ACTR3: variants seen among roughly 807,000 people sequenced by gnomAD.
ACTR3 encodes actin related protein 3.
Under a neutral mutation model 56.8 loss-of-function variants are expected in ACTR3, and 12 were observed. That is an observed-to-expected ratio of 0.21 (90% CI 0.14 to 0.34). The LOEUF (loss-of-function observed/expected upper bound fraction) is 0.34, where lower values mean the gene tolerates loss of function less well. Among genes scored for constraint, ACTR3 ranks in the 10% least tolerant of loss-of-function variants. The pLI, the probability that ACTR3 is intolerant of heterozygous loss-of-function variation, is 1.00. For missense variants in ACTR3, 282 were observed against 512.5 expected (o/e 0.55, Z 4.34); for synonymous variants, 162 against 167.4 (o/e 0.97, Z 0.25).
chr2:113,915,573 T>C (rs1470292679), intron 2 of ACTR3, among the ~76,000 whole-genome samples: 1 of 152,240 alleles, frequency 6.6e-6, no homozygotes, highest in African/African-American at 2.4e-5. Context: ...GTGTATAATC[T>C]TTTGTTGTGA....
At position 113,894,576 on chromosome 2, in the gene ACTR3, TC is replaced by T. The variant is rs1277203708; in HGVS notation, c.44+4256del. The stretch of plus-strand genomic sequence containing the variant: ...CTTACTTAGACTTAGCGAAAGACTC[TC>T]CCTCCTTTCCTGCCTGCCAATTTTG... On this transcript the variant is annotated intron_variant, in intron 1 of 11. Coordinates refer to ENST00000263238, the MANE Select transcript of ACTR3 (RefSeq NM_005721.5). 3.9e-5 allele frequency among the ~76,000 whole-genome samples: 6 copies of T among 152,132 alleles called. No homozygotes were observed. The South Asian group carries it at 8.3e-4, about 21-fold the overall frequency.
At chr2:113,896,376 G>A (rs932787032) in intron 1 of ACTR3, among the ~76,000 whole-genome samples, 4 of 152,164 alleles carry the variant, frequency 2.6e-5, no homozygotes, top group African/African-American at 7.2e-5. Context: ...TCTCTGCACA[G>A]TCAAAATGTT....
At chr2:113,892,946 T>C (rs1211965137) in intron 1 of ACTR3, among the ~76,000 whole-genome samples, 1 of 152,170 alleles carries the variant, frequency 6.6e-6, no homozygotes, top group African/African-American at 2.4e-5. Flanking sequence ...ACTCAACATA[T>C]GAATCACCTA....
At position 113,951,508 on chromosome 2, in the gene ACTR3, C is replaced by T; in HGVS notation, c.888C>T (p.Ile296=). The change falls in exon 9 of 12, where the codon ATC becomes ATT. Residue 296 remains isoleucine (I), a synonymous_variant. Coordinates refer to ENST00000263238, the MANE Select transcript of ACTR3 (RefSeq NM_005721.5). ...CTAATCCAGACTTTACACAACCTAT[C>T]TCAGAAGTTGTAGATGAAGTAATTC... ...EFANPDFTQP[I]SEVVDEVIQN... 6.2e-7 allele frequency: 1 copy of T among 1,612,672 alleles called. No individual in the cohort carries two copies. The highest frequency in any genetic ancestry group is 8.5e-7 in the Non-Finnish European group (1 of 1,178,926).
chr2:113,900,189 T>C (rs964603567), intron 1 of ACTR3, among the ~76,000 whole-genome samples: 3 of 151,826 alleles, frequency 2.0e-5, no homozygotes, highest in Admixed American at 2.0e-4. Flanking sequence ...TCAATTTCAT[T>C]TTTTTTTAAT....
intron 6 of ACTR3, among the ~76,000 whole-genome samples, chr2:113,936,302 CAAAA>C (rs61526382): frequency 1.3e-5 from 1 of 78,240 alleles, no homozygotes; most frequent in African/African-American, 4.6e-5. Flanking sequence ...ACCCTGTCTC[CAAAA>C]AAAAAAAAAA....
chr2:113,955,852 A>T (rs1680201865), intron 11 of ACTR3, 146 bp downstream of exon 11: 1 of 556,612 alleles, frequency 1.8e-6, no homozygotes, highest in Non-Finnish European at 3.0e-6. Context: ...GGTTAAAGTG[A>T]TTCTCCTGCC....
In ACTR3 at chr2:113,942,272, T is replaced by A; in HGVS notation, c.771T>A (p.Thr257=). ...GGTCAAAATGGATTAAACAGTATAC[T>A]GGAATCAATGCTATCTCAAAGAAAG... ...TDGSKWIKQY[T]GINAISKKEF... is the part of the protein sequence containing the mutation. Residue 257 remains threonine, a synonymous_variant, in exon 8 of 12, where the codon ACT becomes ACA. Coordinates refer to ENST00000263238, the MANE Select transcript of ACTR3 (RefSeq NM_005721.5). 6.2e-7 allele frequency: 1 copy of A among 1,606,458 alleles called. No individual in the cohort carries two copies.
intron 3 of ACTR3, among the ~76,000 whole-genome samples, chr2:113,920,613 A>G (rs1679489782): frequency 2.0e-5 from 3 of 152,284 alleles, no homozygotes; most frequent in East Asian, 1.9e-4. Flanking sequence ...GTAATTTTGT[A>G]TCCTTTATTC....
Position 113,927,471 on chromosome 2 carries a change from T to A in ACTR3, c.336+16T>A, listed in dbSNP as rs772602901. ...TTTTCTTTTGGTAAGTTACAAGTTA[T>A]AATTTCACTGAGGAAATTTTTGAAT... is the stretch of plus-strand genomic sequence containing the variant. On this transcript the variant is annotated intron_variant, in intron 4 of 11. Coordinates refer to ENST00000263238, the MANE Select transcript of ACTR3 (RefSeq NM_005721.5). 2 of 1,538,818 alleles carry A rather than the reference T, an allele frequency of 1.3e-6. No individual in the cohort carries two copies. Among genetic ancestry groups the A allele is most frequent in the East Asian group, 2.3e-5 (1 of 44,186 alleles).
intron 1 of ACTR3, among the ~76,000 whole-genome samples, chr2:113,911,968 C>T (rs902948406): frequency 2.6e-5 from 4 of 152,062 alleles, no homozygotes; most frequent in African/African-American, 9.7e-5. Context: ...AACTCCTGTC[C>T]TGGTCCCGTA....
At chr2:113,933,014 A>C (rs572904978) in intron 5 of ACTR3, among the ~76,000 whole-genome samples, 3 of 152,274 alleles carry the variant, frequency 2.0e-5, no homozygotes, top group African/African-American at 7.2e-5. Context: ...GGATTGTAAG[A>C]AATTTAGTTT....
intron 8 of ACTR3, among the ~76,000 whole-genome samples, chr2:113,948,928 CTT>C (rs1452809928): frequency 6.6e-6 from 1 of 151,924 alleles, no homozygotes; most frequent in Non-Finnish European, 1.5e-5. Flanking sequence ...TTCCCTCTCT[CTT>C]GTGTTGGATC....
chr2:113,938,353 G>A (rs1239285265), intron 6 of ACTR3, among the ~76,000 whole-genome samples: 1 of 152,016 alleles, frequency 6.6e-6, no homozygotes, highest in Non-Finnish European at 1.5e-5. Context: ...TTCCTTGCAT[G>A]CTTATAATTT....
chr2:113,890,822 T>TG, intron 1 of ACTR3: 1 of 990,080 alleles, frequency 1.0e-6, no homozygotes, highest in Non-Finnish European at 1.2e-6. Context: ...GCCCAGGGTG[T>TG]GGGTGGGGAA....
intron 1 of ACTR3, among the ~76,000 whole-genome samples, chr2:113,899,297 C>T (rs1409944436): frequency 6.6e-6 from 1 of 152,108 alleles, no homozygotes; most frequent in African/African-American, 2.4e-5. Flanking sequence ...GAATAATCTC[C>T]ACTGATGCAT....
intron 6 of ACTR3, among the ~76,000 whole-genome samples, chr2:113,938,868 A>G (rs1318644796): frequency 6.6e-6 from 1 of 152,016 alleles, no homozygotes. Context: ...CCCTAACTTA[A>G]TGAGACCAGT....
intron 10 of ACTR3, chr2:113,954,531 T>G (rs1029374556): frequency 1.3e-5 from 2 of 151,996 alleles, no homozygotes; most frequent in Admixed American, 1.3e-4. Flanking sequence ...TTAATATCAC[T>G]GTAATATCAT....
intron 1 of ACTR3, among the ~76,000 whole-genome samples, chr2:113,908,366 G>A (rs112125607): frequency 0.012 from 1,876 of 151,626 alleles, 37 homozygotes; most frequent in African/African-American, 0.043. Flanking sequence ...ATATCTTAAG[G>A]ATAATATGTA....
Sources: gnomAD v4.1 joint callset for allele counts (sites outside exome capture counted in the v4.1 genomes callset) on GRCh38, gnomAD v4.1.1 for gene constraint, MANE v1.5 for transcripts, NCBI Gene and HGNC (gene_info 2026-07-23, HGNC 2026-07-21) for gene names.